TAB2: variants seen among roughly 807,000 people sequenced by gnomAD.
The protein encoded by TAB2 is TGF-beta activated kinase 1 (MAP3K7) binding protein 2.
In TAB2, 3 loss-of-function variants were observed where a neutral mutation model predicts 65.0. The observed-to-expected ratio is 0.05, with a 90% CI of 0.02 to 0.12. TAB2 has a LOEUF of 0.12. Ranked by LOEUF, TAB2 falls within the 10% of genes least tolerant of loss-of-function variation. TAB2 has a pLI of 1.00. For synonymous variants in TAB2, 298 were observed against 285.1 expected (o/e 1.05, Z -0.46); for missense variants, 623 against 840.3 (o/e 0.74, Z 3.20).
chr6:149,383,266 A>T (rs1303374105), intron 3 of TAB2, among the ~76,000 whole-genome samples: 1 of 152,212 alleles, frequency 6.6e-6, no homozygotes, highest in South Asian at 2.1e-4. Context: ...AAATAAAAAA[A>T]CTTTCTGATG....
intron 1 of TAB2, among the ~76,000 whole-genome samples, chr6:149,366,771 T>C (rs1472412568): frequency 6.6e-6 from 1 of 152,148 alleles, no homozygotes; most frequent in Non-Finnish European, 1.5e-5. Flanking sequence ...AATTGTACAA[T>C]TGAAGAATGT....
chr6:149,242,156 T>A (rs1048467843), intron 1 of TAB2, among the ~76,000 whole-genome samples: 91 of 152,224 alleles, frequency 6.0e-4, no homozygotes, highest in African/African-American at 2.1e-3. Flanking sequence ...AATGCTCTTG[T>A]AAAGAACATG....
chr6:149,245,821 A>T (rs1459438895), intron 1 of TAB2, among the ~76,000 whole-genome samples: 1 of 152,208 alleles, frequency 6.6e-6, no homozygotes, highest in Admixed American at 6.5e-5. Flanking sequence ...CTACAGATGG[A>T]TGGTTTCCAG....
chr6:149,247,946 A>ATCCC (rs1394088523), intron 1 of TAB2: 2 of 152,206 alleles, frequency 1.3e-5, no homozygotes, highest in Non-Finnish European at 2.9e-5. Context: ...CATTAGGACA[A>ATCCC]ATACCTAATG....
intron 1 of TAB2, among the ~76,000 whole-genome samples, chr6:149,330,305 G>C (rs754047153): frequency 6.6e-6 from 1 of 152,106 alleles, no homozygotes; most frequent in Non-Finnish European, 1.5e-5. Flanking sequence ...ATCTCTGTAG[G>C]ATAAATTCCC....
chr6:149,254,000 AAGAAAG>A (rs1408473981), intron 1 of TAB2, among the ~76,000 whole-genome samples: 4 of 149,494 alleles, frequency 2.7e-5, no homozygotes, highest in African/African-American at 9.9e-5. Context: ...GAAAGAAAGA[AAGAAAG>A]AAAGAAAGAA....
intron 1 of TAB2, among the ~76,000 whole-genome samples, chr6:149,295,231 C>T (rs1778853538): frequency 6.6e-6 from 1 of 152,218 alleles, no homozygotes; most frequent in Admixed American, 6.5e-5. Context: ...TACTTGGCCC[C>T]ATTATCTCTC....
intron 1 of TAB2, among the ~76,000 whole-genome samples, chr6:149,325,200 G>A (rs1270781705): frequency 6.6e-6 from 1 of 152,160 alleles, no homozygotes; most frequent in African/African-American, 2.4e-5. Flanking sequence ...CTATAGCTAT[G>A]TGATTTTAGA....
chr6:149,320,617 T>G (rs955620561), intron 1 of TAB2, among the ~76,000 whole-genome samples: 1 of 152,244 alleles, frequency 6.6e-6, no homozygotes, highest in African/African-American at 2.4e-5. Flanking sequence ...GCTGTTTTAC[T>G]CTATGAGTTA....
chr6:149,396,183 A>G (rs237030), intron 3 of TAB2, among the ~76,000 whole-genome samples: 19,540 of 152,046 alleles, frequency 0.13, 1,331 homozygotes, highest in African/African-American at 0.18. Context: ...ACGCCCGGCA[A>G]CTTTTTGTAT....
At chr6:149,361,026 C>G (rs1234048776) in intron 1 of TAB2, among the ~76,000 whole-genome samples, 1 of 152,238 alleles carries the variant, frequency 6.6e-6, no homozygotes, top group Non-Finnish European at 1.5e-5. Flanking sequence ...GGCAGGTGTT[C>G]TCGTGGGTTG....
At chr6:149,274,581 C>A (rs1778420198) in intron 1 of TAB2, among the ~76,000 whole-genome samples, 1 of 152,140 alleles carries the variant, frequency 6.6e-6, no homozygotes, top group Non-Finnish European at 1.5e-5. Flanking sequence ...AATTCCCTTT[C>A]TTTTGAAAAA....
upstream of TAB2, among the ~76,000 whole-genome samples, chr6:149,314,004 T>C (rs1290732541): frequency 6.6e-6 from 1 of 152,144 alleles, no homozygotes; most frequent in Non-Finnish European, 1.5e-5. Context: ...AAAGCAGAAA[T>C]GGAAAGGACC....
chr6:149,330,969 C>A (rs750939242), intron 1 of TAB2, among the ~76,000 whole-genome samples: 1 of 152,116 alleles, frequency 6.6e-6, no homozygotes, highest in Non-Finnish European at 1.5e-5. Flanking sequence ...CTGTTCTGTT[C>A]CATTGATCTT....
In TAB2 at chr6:149,386,524, A is replaced by G. The variant is rs924733050; in HGVS notation, c.1603+7006A>G. ...TTCTCGATAAATTTACATATTCTGG[A>G]CACGTGATATAAAATGGAATCTGAT... On this transcript the variant is annotated intron_variant, in intron 3 of 6. Transcript: ENST00000637181. 1.1e-4 allele frequency among the ~76,000 whole-genome samples: 17 copies of G among 152,180 alleles called. No homozygotes were observed. In the East Asian group the frequency reaches 3.1e-3, roughly 28 times the overall value.
At chr6:149,345,933 A>C (rs1780281550) in intron 1 of TAB2, among the ~76,000 whole-genome samples, 1 of 152,190 alleles carries the variant, frequency 6.6e-6, no homozygotes, top group South Asian at 2.1e-4. Context: ...ACAACAACAA[A>C]AAGCTGCATG....
chr6:149,348,976 T>G lies in TAB2; in HGVS notation c.-89-20933T>G, dbSNP rs549714. Reference sequence around the variant, plus strand: ...GAGCAAAACTCCATCTCAAAAAATTTAAAAAAAAAATCTTAAAGATAATTT... The same window carrying G: ...GAGCAAAACTCCATCTCAAAAAATTGAAAAAAAAAATCTTAAAGATAATTT... On this transcript the variant is annotated intron_variant, in intron 1 of 6. Transcript: ENST00000637181. Among the ~76,000 whole-genome samples the G allele has an allele frequency of 2.0e-5, 3 of 149,642 alleles. No homozygotes were observed. In the South Asian group the frequency reaches 6.3e-4, roughly 32 times the overall value.
rs559166133 is a variant in TAB2 at position 149,361,018 on chromosome 6, C to G, written c.-89-8891C>G. Among the ~76,000 whole-genome samples the G allele has an allele frequency of 2.0e-5, 3 of 152,350 alleles. No individual in the cohort carries two copies. The South Asian group carries it at 6.2e-4, about 32-fold the overall frequency. ...CTGTGTCTGCAGGGTTCAGCCACGGCAGGTGTTCTCGTGGGTTGGAGTTGA... is the reference window on the plus strand; with the variant it reads ...CTGTGTCTGCAGGGTTCAGCCACGGGAGGTGTTCTCGTGGGTTGGAGTTGA... On this transcript the variant is annotated intron_variant, in intron 1 of 6. Transcript: ENST00000637181.
chr6:149,267,667 A>G (rs906289053), intron 1 of TAB2, among the ~76,000 whole-genome samples: 2 of 152,118 alleles, frequency 1.3e-5, no homozygotes, highest in African/African-American at 2.4e-5. Context: ...AGGTGATTTC[A>G]TCGTTGTGCG....
Sources: allele counts gnomAD v4.1 joint callset (sites outside exome capture counted in the v4.1 genomes callset), GRCh38; gene constraint gnomAD v4.1.1; transcripts MANE v1.5; gene names NCBI Gene and HGNC (gene_info 2026-07-23, HGNC 2026-07-21).